OTOGL: variants seen among roughly 807,000 people sequenced by gnomAD.
OTOGL encodes the protein otogelin-like protein.
A neutral mutation model predicts 318.5 loss-of-function variants in OTOGL; 285 were observed. That is an observed-to-expected ratio of 0.89 (90% CI 0.81 to 0.99). The LOEUF (loss-of-function observed/expected upper bound fraction) is 0.99. Among genes scored for constraint, OTOGL ranks in the 50% least tolerant of loss-of-function variants. The pLI, the probability that OTOGL is intolerant of heterozygous loss-of-function variation, is 0.00. For missense variants in OTOGL, 2,899 were observed against 2,845.6 expected (o/e 1.02, Z -0.43); for synonymous variants, 987 against 936.5 (o/e 1.05, Z -0.99).
At chr12:80,373,675 A>G (rs1398392878) in intron 57 of OTOGL, among the ~76,000 whole-genome samples, 1 of 150,716 alleles carries the variant, frequency 6.6e-6, no homozygotes, top group Non-Finnish European at 1.5e-5. Flanking sequence ...TCTATATACA[A>G]TATATAATAT....
intron 21 of OTOGL, 85 bp downstream of exon 21, chr12:80,266,701 G>GAAAAAA: frequency 7.6e-7 from 1 of 1,308,462 alleles, no homozygotes; most frequent in Non-Finnish European, 1.0e-6. Flanking sequence ...GGAAGTTTTT[G>GAAAAAA]AAAAAAATAT....
rs17006505 is a variant in OTOGL at position 80,211,020 on chromosome 12, A to C, written c.119+134A>C. 5.9e-3 allele frequency: 3,031 copies of C among 512,904 alleles called. 87 individuals are homozygous for C. The highest frequency in any genetic ancestry group is 0.054 in the African/African-American group (2,711 of 50,356). The allele number at this position is 512,904 out of a possible 1,614,324, so 31.8% of individuals were successfully genotyped here. A position where few individuals can be genotyped will look rare whatever the true frequency, so the allele number is the denominator to read the frequency against. The stretch of plus-strand genomic sequence containing the variant: ...ACAAAAAAGCATGAAATATACTTTA[A>C]AAAACATTTCTGCAGATTAAAAATG... On this transcript the variant is annotated intron_variant, in intron 3 of 58. Transcript: ENST00000547103.
intron 1 of OTOGL, among the ~76,000 whole-genome samples, chr12:80,146,697 T>C (rs1161108979): frequency 1.3e-5 from 2 of 151,982 alleles, no homozygotes; most frequent in Non-Finnish European, 2.9e-5. Flanking sequence ...CTGGACTCTT[T>C]TTGGTTGGTA....
chr12:80,336,352 C>G (rs1406358638), intron 39 of OTOGL, 61 bp from the exon 40 acceptor site: 1 of 1,459,546 alleles, frequency 6.9e-7, no homozygotes, highest in East Asian at 2.4e-5. Context: ...TTTAAAAGAG[C>G]AATTATTACT....
At chr12:80,361,553 A>G (rs1321352751) in intron 52 of OTOGL, among the ~76,000 whole-genome samples, 2 of 144,648 alleles carry the variant, frequency 1.4e-5, no homozygotes, top group African/African-American at 5.1e-5. Flanking sequence ...TTTGAGGAAC[A>G]TATATACTGT....
chr12:80,153,102 T>C (rs1872890529), intron 1 of OTOGL, among the ~76,000 whole-genome samples: 1 of 152,230 alleles, frequency 6.6e-6, no homozygotes, highest in Admixed American at 6.5e-5. Flanking sequence ...ATATTCCCTG[T>C]ATTAACCCTT....
chr12:80,336,623 G>A, intron 40 of OTOGL, 68 bp downstream of exon 40: 1 of 1,511,194 alleles, frequency 6.6e-7, no homozygotes, highest in Non-Finnish European at 9.0e-7. Flanking sequence ...TGCAACATCA[G>A]GGATTCTCAC....
At chr12:80,242,063 A>T (rs1054554300) in intron 11 of OTOGL, among the ~76,000 whole-genome samples, 7 of 152,194 alleles carry the variant, frequency 4.6e-5, no homozygotes, top group African/African-American at 1.7e-4. Context: ...AGAAGCCGAA[A>T]CATGTTGTCT....
intron 5 of OTOGL, 24 bp from the exon 6 acceptor site, chr12:80,219,790 C>G: frequency 8.3e-7 from 1 of 1,201,530 alleles, no homozygotes; most frequent in Non-Finnish European, 1.2e-6. Flanking sequence ...CAGAAGATAA[C>G]TTTTTTTTTT....
At chr12:80,204,808 T>C (rs1275637445) in intron 1 of OTOGL, among the ~76,000 whole-genome samples, 1 of 152,162 alleles carries the variant, frequency 6.6e-6, no homozygotes, top group African/African-American at 2.4e-5. Context: ...TGTTTGGGAT[T>C]TGAATTTATA....
chr12:80,161,561 G>A (rs544450257), intron 1 of OTOGL, among the ~76,000 whole-genome samples: 4 of 152,038 alleles, frequency 2.6e-5, no homozygotes, highest in East Asian at 1.9e-4. Context: ...TTGGTGGTAC[G>A]GCAAATAAAG....
intron 13 of OTOGL, among the ~76,000 whole-genome samples, chr12:80,252,874 T>C (rs998185659): frequency 6.6e-6 from 1 of 152,158 alleles, no homozygotes; most frequent in African/African-American, 2.4e-5. Flanking sequence ...AATGACAAGA[T>C]AAGGCATTTG....
At position 80,257,989 on chromosome 12, in the gene OTOGL, A is replaced by T. The variant is rs780808934; in HGVS notation, c.1876A>T (p.Arg626Trp). 7 of 1,583,850 alleles carry T rather than the reference A, an allele frequency of 4.4e-6. No individual in the cohort carries two copies. The highest frequency in any genetic ancestry group is 6.0e-6 in the Non-Finnish European group (7 of 1,175,262). ...GTGTGGCACTTTTAATGGCAACATA[A>T]GGGATGATTTTCTGTAAGTATGATT... ...GLCGTFNGNI[R>W]DDFLSPSGMI... The change falls in exon 18 of 59, where the codon AGG becomes TGG. Residue 626 changes from arginine to tryptophan, a missense_variant. Around this residue, in one of 3 missense-constraint regions of OTOGL, gnomAD observed 2,607 missense variants for 2,524.9 expected, o/e 1.03. Coordinates refer to ENST00000547103, the MANE Select transcript of OTOGL (RefSeq NM_001378609.3).
chr12:80,221,436 T>G (rs1323352380), intron 6 of OTOGL, among the ~76,000 whole-genome samples: 2 of 151,912 alleles, frequency 1.3e-5, no homozygotes, highest in African/African-American at 4.8e-5. Context: ...TGCTGGCTAA[T>G]TTTTTGTATT....
intron 1 of OTOGL, among the ~76,000 whole-genome samples, chr12:80,172,509 T>TGGTA (rs1409130587): frequency 6.6e-6 from 1 of 152,130 alleles, no homozygotes; most frequent in Non-Finnish European, 1.5e-5. Context: ...GAGGTGGGTG[T>TGGTA]GGTAAGTCCT....
At chr12:80,320,011 T>G (rs1736094957) in intron 33 of OTOGL, among the ~76,000 whole-genome samples, 2 of 152,192 alleles carry the variant, frequency 1.3e-5, no homozygotes, top group Admixed American at 1.3e-4. Flanking sequence ...TTTTCTATCA[T>G]CAAGTTTAGC....
chr12:80,379,401 A>G lies in OTOGL; in HGVS notation c.*1353A>G, dbSNP rs1194191032. 2 of 151,964 alleles carry G rather than the reference A, an allele frequency of 1.3e-5. No individual in the cohort carries two copies. Among genetic ancestry groups the G allele is most frequent in the East Asian group, 3.9e-4 (2 of 5,194 alleles). 9.4% of individuals were successfully genotyped at this position (151,964 alleles called of 1,614,324 possible). A position where few individuals can be genotyped will look rare whatever the true frequency, so the allele number is the denominator to read the frequency against. On this transcript the variant is annotated 3_prime_UTR_variant, in exon 59 of 59. Coordinates refer to ENST00000547103, the MANE Select transcript of OTOGL (RefSeq NM_001378609.3). ...TTTCAAAATCATGTGTCCCCAAAATATTGCAACTTACTGAATATTTTAGAT... is the reference window on the plus strand; with the variant it reads ...TTTCAAAATCATGTGTCCCCAAAATGTTGCAACTTACTGAATATTTTAGAT...
chr12:80,368,982 C>A (rs1437185253), intron 55 of OTOGL, among the ~76,000 whole-genome samples: 1 of 151,290 alleles, frequency 6.6e-6, no homozygotes, highest in Non-Finnish European at 1.5e-5. Context: ...TACAAAAATA[C>A]ACTTGATATG....
rs1889902711 is a variant in OTOGL, at chr12:80,356,427, A to T, written c.5818A>T (p.Thr1940Ser). ...CSKEVCGCDT[T>S]LCETSIPTCT... ...TTTCTTATTTATAGGATGTGACACG[A>T]CTTTGTGTGAAACTAGCATTCCAAC... The change falls in exon 48 of 59, where the codon ACT (threonine) becomes TCT (serine). Residue 1940 changes from threonine (T) to serine (S), a missense_variant. Coordinates refer to ENST00000547103, the MANE Select transcript of OTOGL (RefSeq NM_001378609.3). The T allele has an allele frequency of 6.2e-7, 1 of 1,610,256 alleles. No individual in the cohort carries two copies. Among genetic ancestry groups the T allele is most frequent in the East Asian group, 2.2e-5 (1 of 44,774 alleles).
Sources: gnomAD v4.1 joint callset for allele counts (sites outside exome capture counted in the v4.1 genomes callset) on GRCh38, gnomAD v4.1.1 for gene constraint, gnomAD v4.1.1 regional missense constraint, MANE v1.5 for transcripts, NCBI Gene and HGNC (gene_info 2026-07-23, HGNC 2026-07-21) for gene names.